LINGO2: variants seen among roughly 807,000 people sequenced by gnomAD.
LINGO2 encodes the protein leucine rich repeat and Ig domain containing 2.
A neutral mutation model predicts 30.6 loss-of-function variants in LINGO2; 14 were observed. The observed-to-expected ratio is 0.46, with a 90% CI of 0.30 to 0.72. The LOEUF (loss-of-function observed/expected upper bound fraction) is 0.72, where lower values mean the gene tolerates loss of function less well. Among genes scored for constraint, LINGO2 ranks in the 30% least tolerant of loss-of-function variants. LINGO2 has a pLI of 0.07. For synonymous variants in LINGO2, 317 were observed against 288.5 expected, an observed-to-expected ratio of 1.10 and a Z score of -1.00; for missense variants, 729 against 751.7, an observed-to-expected ratio of 0.97 and a Z score of 0.35.
the LINGO2 span, among the ~76,000 whole-genome samples, chr9:28,764,963 T>C: frequency 3.3e-5 from 5 of 151,870 alleles, no homozygotes; most frequent in Admixed American, 6.6e-5. Flanking sequence ...ACCTAAACAC[T>C]GAACATTATA....
At chr9:28,801,053 A>G in the LINGO2 span, among the ~76,000 whole-genome samples, 1 of 152,078 alleles carries the variant, frequency 6.6e-6, no homozygotes, top group African/African-American at 2.4e-5. Flanking sequence ...TTGAATCCTA[A>G]TTACAGTGGT....
the LINGO2 span, among the ~76,000 whole-genome samples, chr9:28,782,074 T>C: frequency 6.6e-6 from 1 of 152,310 alleles, no homozygotes; most frequent in African/African-American, 2.4e-5. Flanking sequence ...AGTTCCCTGC[T>C]TTGGAATCAC....
Position 28,400,436 on chromosome 9 carries a change from C to T in LINGO2, c.-278-27568G>A, listed in dbSNP as rs148807921. 2.4e-4 allele frequency among the ~76,000 whole-genome samples: 36 copies of T among 152,242 alleles called. No homozygotes were observed. In the East Asian group the frequency reaches 6.2e-3, roughly 26 times the overall value. On this transcript the variant is annotated intron_variant, in intron 2 of 5. Coordinates refer to ENST00000379992, the Ensembl canonical transcript of LINGO2. ...AGGCATGGTAGGTGAATTTACATCA[C>T]GGAAACCAGCAAACACTAATAACCA...
the LINGO2 span, among the ~76,000 whole-genome samples, chr9:28,924,567 CA>C: frequency 1.5e-4 from 23 of 152,198 alleles, no homozygotes; most frequent in Non-Finnish European, 2.9e-4. Context: ...AACAAACAAA[CA>C]AAACCTGGTT....
the LINGO2 span, among the ~76,000 whole-genome samples, chr9:28,860,746 A>G: frequency 6.7e-6 from 1 of 149,620 alleles, no homozygotes; most frequent in Non-Finnish European, 1.5e-5. Flanking sequence ...ATGCAGTCAA[A>G]ATGAATACAA....
At chr9:29,039,725 C>T in the LINGO2 span, among the ~76,000 whole-genome samples, 18 of 152,146 alleles carry the variant, frequency 1.2e-4, no homozygotes, top group Admixed American at 1.2e-3. Flanking sequence ...CAGGGACAGG[C>T]CTGGTTTTCT....
At chr9:29,055,217 T>TCAACAA in the LINGO2 span, among the ~76,000 whole-genome samples, 139,368 of 151,544 alleles carry the variant, frequency 0.92, 64,173 homozygotes, top group Admixed American at 0.93. Context: ...AGACTCCATC[T>TCAACAA]CAACAACAAC....
At chr9:29,054,140 C>T in the LINGO2 span, among the ~76,000 whole-genome samples, 6,235 of 152,174 alleles carry the variant, frequency 0.041, 197 homozygotes, top group Admixed American at 0.082. Context: ...AATTTGTTAA[C>T]ATGTATACCC....
chr9:28,132,773 A>G (rs1827413092), intron 4 of LINGO2, among the ~76,000 whole-genome samples: 1 of 152,222 alleles, frequency 6.6e-6, no homozygotes, highest in African/African-American at 2.4e-5. Context: ...TTAAGGTCCC[A>G]GAGCATTTTA....
chr9:28,042,240 G>A (rs2132990714), intron 4 of LINGO2, among the ~76,000 whole-genome samples: 1 of 152,192 alleles, frequency 6.6e-6, no homozygotes, highest in East Asian at 1.9e-4. Context: ...GACATGATTA[G>A]GACATGCTTC....
intron 4 of LINGO2, among the ~76,000 whole-genome samples, chr9:28,053,688 C>A (rs1226529858): frequency 6.6e-6 from 1 of 151,996 alleles, no homozygotes; most frequent in African/African-American, 2.4e-5. Flanking sequence ...GATGTCGAGG[C>A]CTCATCATGA....
At chr9:28,826,634 A>G in the LINGO2 span, among the ~76,000 whole-genome samples, 2 of 152,218 alleles carry the variant, frequency 1.3e-5, no homozygotes, top group Non-Finnish European at 2.9e-5. Context: ...CTGACAATAA[A>G]CACTGACATC....
the LINGO2 span, among the ~76,000 whole-genome samples, chr9:28,927,270 C>T: frequency 1.3e-5 from 2 of 152,096 alleles, no homozygotes; most frequent in Non-Finnish European, 2.9e-5. Context: ...GATGAATTAC[C>T]CTTTCATTCT....
At chr9:28,635,052 C>A (rs1025122375) in intron 1 of LINGO2, among the ~76,000 whole-genome samples, 1 of 152,072 alleles carries the variant, frequency 6.6e-6, no homozygotes, top group African/African-American at 2.4e-5. Flanking sequence ...ACAAAGGAAC[C>A]AGCACTAGAA....
chr9:28,496,875 A>C (rs567568941), intron 1 of LINGO2, among the ~76,000 whole-genome samples: 1 of 152,028 alleles, frequency 6.6e-6, no homozygotes, highest in Admixed American at 6.6e-5. Context: ...ATCTCTCAAC[A>C]TTTGCTTGTC....
the LINGO2 span, among the ~76,000 whole-genome samples, chr9:28,949,915 T>G: frequency 6.6e-6 from 1 of 152,126 alleles, no homozygotes; most frequent in South Asian, 2.1e-4. Context: ...ATTAAAAAGT[T>G]TATCCACCAC....
chr9:28,426,104 T>C (rs896042186), intron 2 of LINGO2, among the ~76,000 whole-genome samples: 2 of 152,072 alleles, frequency 1.3e-5, no homozygotes, highest in Non-Finnish European at 2.9e-5. Context: ...AAATTCTTCT[T>C]TCTGCCTTTA....
intron 1 of LINGO2, among the ~76,000 whole-genome samples, chr9:28,495,416 G>C (rs1172456659): frequency 6.6e-6 from 1 of 152,182 alleles, no homozygotes; most frequent in African/African-American, 2.4e-5. Flanking sequence ...AAGGGATCCA[G>C]TTTCAGCTTT....
At chr9:28,047,190 G>A (rs944848716) in intron 4 of LINGO2, among the ~76,000 whole-genome samples, 17 of 152,132 alleles carry the variant, frequency 1.1e-4, no homozygotes, top group African/African-American at 3.9e-4. Flanking sequence ...TTCGTCTTTC[G>A]GCCACTTTGT....
Sources: allele counts gnomAD v4.1 joint callset (sites outside exome capture counted in the v4.1 genomes callset), GRCh38; gene constraint gnomAD v4.1.1; transcripts MANE v1.5; gene names NCBI Gene and HGNC (gene_info 2026-07-23, HGNC 2026-07-21).